The following OR51B5 variants were observed in gnomAD, a reference collection of about 807,000 sequenced individuals.
The protein encoded by OR51B5 is olfactory receptor family 51 subfamily B member 5.
For synonymous variants in OR51B5, 186 were observed against 144.8 expected (o/e 1.28, Z -2.04); for missense variants, 456 against 374.6 (o/e 1.22, Z -1.79).
chr11:5,390,173 GC>G (rs1224555569), intron 1 of OR51B5: 8 of 1,613,942 alleles, frequency 5.0e-6, no homozygotes, highest in Non-Finnish European at 6.8e-6. Context: ...TCCTCTCTGT[GC>G]TGTGCTAGTA....
intron 1 of OR51B5, among the ~76,000 whole-genome samples, chr11:5,366,775 T>C (rs1564923493): frequency 6.6e-6 from 1 of 151,988 alleles, no homozygotes; most frequent in Non-Finnish European, 1.5e-5. Context: ...TTCAAAGTCT[T>C]TAGAATAAAA....
At chr11:5,408,362 TCCTCCCTC>T (rs1245384612) in intron 1 of OR51B5, among the ~76,000 whole-genome samples, 8 of 38,398 alleles carry the variant, frequency 2.1e-4, no homozygotes, top group Non-Finnish European at 6.2e-4. Flanking sequence ...CTTCCTCCCT[TCCTCCCTC>T]CCTCCCTCCC....
At chr11:5,395,733 G>C (rs1194851964) in intron 1 of OR51B5, among the ~76,000 whole-genome samples, 1 of 152,136 alleles carries the variant, frequency 6.6e-6, no homozygotes, top group Admixed American at 6.6e-5. Flanking sequence ...AAAAGCTAAG[G>C]TTTAGAAAGA....
At chr11:5,503,203 G>T (rs759125248) in intron 1 of OR51B5, among the ~76,000 whole-genome samples, 1 of 152,126 alleles carries the variant, frequency 6.6e-6, no homozygotes, top group African/African-American at 2.4e-5. Flanking sequence ...TAGAGGCTTT[G>T]CAACTATTTA....
At chr11:5,401,109 A>G (rs1002368404) in intron 1 of OR51B5, among the ~76,000 whole-genome samples, 9 of 152,182 alleles carry the variant, frequency 5.9e-5, no homozygotes, top group African/African-American at 1.9e-4. Context: ...ATCTCAAAAC[A>G]CACCCAATCC....
At chr11:5,352,854 AGTGT>A (rs1452225918) in intron 1 of OR51B5, among the ~76,000 whole-genome samples, 4 of 145,440 alleles carry the variant, frequency 2.8e-5, no homozygotes, top group East Asian at 2.0e-4. Flanking sequence ...AATATATAAT[AGTGT>A]GTGTATGTAT....
chr11:5,388,210 A>T (rs1041863805), intron 1 of OR51B5, among the ~76,000 whole-genome samples: 2 of 152,124 alleles, frequency 1.3e-5, no homozygotes, highest in African/African-American at 4.8e-5. Flanking sequence ...TATGGTGGCT[A>T]AAAAAGTCAA....
chr11:5,432,914 C>T lies in OR51B5; in HGVS notation n.84+72655G>A, dbSNP rs147857329. Among the ~76,000 whole-genome samples, 49 of 152,172 alleles carry T rather than the reference C, an allele frequency of 3.2e-4. 1 individual carries two copies. Among genetic ancestry groups the T allele is most frequent in the Non-Finnish European group, 6.3e-4 (43 of 68,006 alleles). The stretch of plus-strand genomic sequence containing the variant: ...AAGAACTGAGTTTTAGCTTTGACAA[C>T]GTGAACCTTAGAAGGGAAGAACCCC... On this transcript the variant is annotated intron_variant and non_coding_transcript_variant, in intron 1 of 4. Coordinates refer to the OR51B5 transcript ENST00000415970.
At chr11:5,390,272 T>C (rs374473473) in intron 1 of OR51B5, 1 of 1,613,922 alleles carries the variant, frequency 6.2e-7, no homozygotes, top group African/African-American at 1.3e-5. Flanking sequence ...GGCCAATGTC[T>C]ACCTTTTTGT....
At chr11:5,420,344 C>T (rs1218627189) in intron 1 of OR51B5, among the ~76,000 whole-genome samples, 1 of 152,000 alleles carries the variant, frequency 6.6e-6, no homozygotes, top group East Asian at 1.9e-4. Flanking sequence ...GTTTAAAACA[C>T]CAATTATACG....
chr11:5,370,747 A>C (rs1194004850), intron 1 of OR51B5, among the ~76,000 whole-genome samples: 1 of 152,040 alleles, frequency 6.6e-6, no homozygotes, highest in Non-Finnish European at 1.5e-5. Flanking sequence ...GAAATAATAA[A>C]AAAGTGACAA....
Position 5,343,170 on chromosome 11 carries a change from C to A in OR51B5, c.355G>T (p.Asp119Tyr), listed in dbSNP as rs757980178. The change falls in exon 1 of 1, where the codon GAC (aspartate) becomes TAC (tyrosine). Residue 119 changes from aspartate to tyrosine, a missense_variant. By Grantham distance (160) the Asp-to-Tyr change is radical. Transcript: ENST00000300773. ...GGGTTGCAGATGGCAATAAAACGGT[C>A]ATAGGCCATGGCAAGCAGAATGCCA... is the stretch of plus-strand genomic sequence containing the variant. 1.9e-6 allele frequency: 3 copies of A among 1,613,648 alleles called. No individual in the cohort carries two copies. The South Asian group carries it at 3.3e-5, about 18-fold the overall frequency.
intron 1 of OR51B5, among the ~76,000 whole-genome samples, chr11:5,421,599 A>G (rs544500584): frequency 1.7e-4 from 26 of 152,344 alleles, no homozygotes; most frequent in African/African-American, 4.8e-4. Flanking sequence ...AATAAAATCA[A>G]TATCAGAAGA....
chr11:5,430,521 C>A, intron 1 of OR51B5: 1 of 360,046 alleles, frequency 2.8e-6, no homozygotes, highest in Non-Finnish European at 5.5e-6. Flanking sequence ...ATTTCAGATT[C>A]AAGCCTGTTG....
At position 5,351,480 on chromosome 11, in the gene OR51B5, A is replaced by G. The variant is rs756138950; in HGVS notation, n.85-4570T>C. ...TGATTACTATTGCTTTACCTGGAGT[A>G]AATATTTGCCTCTTTGCAAAGCTGG... On this transcript the variant is annotated intron_variant and non_coding_transcript_variant, in intron 1 of 4. Coordinates refer to the OR51B5 transcript ENST00000415970. 1.1e-5 allele frequency: 17 copies of G among 1,562,396 alleles called. No individual in the cohort carries two copies. The South Asian group carries it at 2.0e-4, about 19-fold the overall frequency.
chr11:5,377,246 G>A (rs1433654145), intron 1 of OR51B5, among the ~76,000 whole-genome samples: 1 of 152,064 alleles, frequency 6.6e-6, no homozygotes, highest in African/African-American at 2.4e-5. Flanking sequence ...AAAGGCCTTT[G>A]ACAAAATTCA....
intron 1 of OR51B5, among the ~76,000 whole-genome samples, chr11:5,410,421 G>C (rs565622301): frequency 6.6e-6 from 1 of 152,074 alleles, no homozygotes; most frequent in Non-Finnish European, 1.5e-5. Context: ...GATGCAATTT[G>C]TTATCTACGA....
At chr11:5,500,044 A>G (rs988054662) in intron 1 of OR51B5, among the ~76,000 whole-genome samples, 5 of 152,208 alleles carry the variant, frequency 3.3e-5, no homozygotes, top group Non-Finnish European at 5.9e-5. Flanking sequence ...AGAGACAGTG[A>G]GCTCACAATC....
chr11:5,410,977 A>C (rs1850140802), intron 1 of OR51B5, among the ~76,000 whole-genome samples: 1 of 152,238 alleles, frequency 6.6e-6, no homozygotes, highest in African/African-American at 2.4e-5. Context: ...GTTAAAGTAT[A>C]TAAAGTAGAA....
Sources: allele counts gnomAD v4.1 joint callset (sites outside exome capture counted in the v4.1 genomes callset), GRCh38; gene constraint gnomAD v4.1.1; transcripts MANE v1.5; gene names NCBI Gene and HGNC (gene_info 2026-07-23, HGNC 2026-07-21).